ZFP64: variants seen among roughly 807,000 people sequenced by gnomAD.
ZFP64 encodes the protein ZFP64 zinc finger protein.
A neutral mutation model predicts 51.6 loss-of-function variants in ZFP64; 14 were observed. The ratio of observed to expected loss-of-function variants is 0.27; its 90% CI spans 0.18 to 0.42. The LOEUF is 0.42. Among genes scored for constraint, ZFP64 ranks in the 10% least tolerant of loss-of-function variants. ZFP64 has a pLI of 1.00. For missense variants in ZFP64, 754 were observed against 906.8 expected, an observed-to-expected ratio of 0.83 and a Z score of 2.16; for synonymous variants, 375 against 361.4, an observed-to-expected ratio of 1.04 and a Z score of -0.43.
chr20:52,160,142 G>A lies in ZFP64; in HGVS notation c.744C>T (p.Val248=). The part of the protein sequence containing the change: ...YASRNSSQLT[V]HLRSHTGDAP... Reference sequence around the variant, plus strand: ...ACTCACCCGTGTGGGATCGCAGGTGGACAGTGAGCTGGCTGGAGTTGCGGC... The same window carrying A: ...ACTCACCCGTGTGGGATCGCAGGTGAACAGTGAGCTGGCTGGAGTTGCGGC... The change falls in exon 5 of 6, where the codon GTC becomes GTT. Residue 248 remains valine, a synonymous_variant. Coordinates refer to ENST00000216923, the MANE Select transcript of ZFP64 (RefSeq NM_018197.3). This position sits in a 1 kb window ranked among gnomAD's most constrained non-coding sequence, Gnocchi z 4.2. The A allele has an allele frequency of 6.2e-7, 1 of 1,614,112 alleles. No individual in the cohort carries two copies. Among genetic ancestry groups the A allele is most frequent in the African/African-American group, 1.3e-5 (1 of 75,000 alleles).
intron 7 of ZFP64, among the ~76,000 whole-genome samples, chr20:52,092,752 A>G (rs1245759268): frequency 6.6e-6 from 1 of 152,180 alleles, no homozygotes; most frequent in Non-Finnish European, 1.5e-5. Context: ...GCTACTCAGG[A>G]GGCTGAGGCA....
intron 5 of ZFP64, among the ~76,000 whole-genome samples, chr20:52,159,584 C>G (rs1050040786): frequency 6.6e-5 from 10 of 152,230 alleles, no homozygotes; most frequent in Non-Finnish European, 1.3e-4. Flanking sequence ...GGCACGGTGG[C>G]TCACGCCTGT....
chr20:52,148,630 G>T (rs1004694314), downstream of ZFP64, among the ~76,000 whole-genome samples: 1 of 151,970 alleles, frequency 6.6e-6, no homozygotes, highest in Non-Finnish European at 1.5e-5. Context: ...GAGCCTGGGA[G>T]GCAGAGCAGG....
intron 7 of ZFP64, among the ~76,000 whole-genome samples, chr20:52,094,966 G>A (rs1475038006): frequency 2.0e-5 from 3 of 152,160 alleles, no homozygotes; most frequent in Non-Finnish European, 4.4e-5. Flanking sequence ...TAAGACAGAT[G>A]GTTTGAGTTG....
intron 5 of ZFP64, chr20:52,104,938 A>G: frequency 1.4e-6 from 1 of 691,532 alleles, no homozygotes; most frequent in South Asian, 1.8e-5. Flanking sequence ...GGGGAAGGGG[A>G]CGGTGGACTC....
At chr20:52,125,635 G>A (rs1448455332) in intron 5 of ZFP64, among the ~76,000 whole-genome samples, 1 of 152,218 alleles carries the variant, frequency 6.6e-6, no homozygotes, top group Admixed American at 6.5e-5. Flanking sequence ...TAGGGCATGG[G>A]AGGAGTAGCT....
chr20:52,165,302 G>GT (rs1487657541), intron 3 of ZFP64: 2 of 456,058 alleles, frequency 4.4e-6, no homozygotes, highest in Non-Finnish European at 8.8e-6. Context: ...GAATATTCTG[G>GT]TTTTTAGGAA....
chr20:52,162,860 A>C (rs749100805), intron 4 of ZFP64, among the ~76,000 whole-genome samples: 3 of 152,132 alleles, frequency 2.0e-5, no homozygotes, highest in Admixed American at 1.3e-4. Context: ...CCCCAACTCC[A>C]GGGGTAATTA....
rs1321329206 is a variant in ZFP64, at chr20:52,101,015, GAC to G, written c.764-2430_764-2429del. On this transcript the variant is annotated intron_variant, in intron 5 of 8. Coordinates refer to the ZFP64 transcript ENST00000361387. The stretch of plus-strand genomic sequence containing the variant: ...ACTGGGGGCCATTCTACCACCAAAG[GAC>G]ACTCAGCAATGCCTGGGAACATTTT... Among the ~76,000 whole-genome samples the G allele has an allele frequency of 2.0e-5, 3 of 152,198 alleles. No homozygotes were observed. In the East Asian group the frequency reaches 5.8e-4, roughly 29 times the overall value.
At chr20:52,175,867 CCCG>C in intron 2 of ZFP64, 1 of 735,860 alleles carries the variant, frequency 1.4e-6, no homozygotes, top group Non-Finnish European at 1.7e-6. Context: ...CGCTGCCGCC[CCCG>C]CCCCCAAAAT....
intron 5 of ZFP64, among the ~76,000 whole-genome samples, chr20:52,135,768 C>T (rs1979939395): frequency 6.6e-6 from 1 of 152,032 alleles, no homozygotes; most frequent in Non-Finnish European, 1.5e-5. Context: ...GAATTACAGG[C>T]ATGAGCCACT....
intron 7 of ZFP64, among the ~76,000 whole-genome samples, chr20:52,090,962 A>G (rs1322303363): frequency 7.0e-6 from 1 of 143,594 alleles, no homozygotes; most frequent in Non-Finnish European, 1.5e-5. Flanking sequence ...AGGATTTGCT[A>G]CGTGTGGTGG....
intron 8 of ZFP64, among the ~76,000 whole-genome samples, chr20:52,086,127 T>C (rs2078861384): frequency 6.6e-6 from 1 of 151,472 alleles, no homozygotes; most frequent in Non-Finnish European, 1.5e-5. Flanking sequence ...CTTTTCACCT[T>C]TAAGTAAAAA....
chr20:52,153,464 A>G lies in ZFP64; in HGVS notation c.764-36T>C. On this transcript the variant is annotated intron_variant, in intron 5 of 5. Coordinates refer to ENST00000216923, the MANE Select transcript of ZFP64 (RefSeq NM_018197.3). The surrounding 1 kb of genome is among the most constrained non-coding windows in gnomAD (Gnocchi z 5.1). ...AAGGTGAGTTTCGATAAGAACAGGCAGGCAACAACCACAGCGGATCCCCCC... is the reference window on the plus strand; with the variant it reads ...AAGGTGAGTTTCGATAAGAACAGGCGGGCAACAACCACAGCGGATCCCCCC... The G allele has an allele frequency of 6.3e-7, 1 of 1,593,834 alleles. No individual in the cohort carries two copies. Among genetic ancestry groups the G allele is most frequent in the Non-Finnish European group, 8.6e-7 (1 of 1,168,884 alleles).
intron 2 of ZFP64, among the ~76,000 whole-genome samples, chr20:52,171,380 T>TGTGTGTGTATGCGTATGC (rs1982705769): frequency 6.6e-6 from 1 of 151,892 alleles, no homozygotes; most frequent in South Asian, 2.1e-4. Flanking sequence ...TATGTGTATG[T>TGTGTGTGTATGCGTATGC]GTCTGTGTAT....
chr20:52,165,603 A>C, intron 3 of ZFP64: 4 of 644,978 alleles, frequency 6.2e-6, no homozygotes, highest in Non-Finnish European at 8.5e-6. Context: ...ATAGGAAAAA[A>C]ATTTATAGCA....
intron 2 of ZFP64, among the ~76,000 whole-genome samples, chr20:52,170,003 A>G (rs1568695129): frequency 6.6e-6 from 1 of 151,920 alleles, no homozygotes; most frequent in Non-Finnish European, 1.5e-5. Context: ...CGGTGAGTCC[A>G]GATCATGCCA....
At chr20:52,142,839 C>CAAAA (rs386393987) in intron 5 of ZFP64, among the ~76,000 whole-genome samples, 9,285 of 54,864 alleles carry the variant, frequency 0.17, 1,145 homozygotes, top group Non-Finnish European at 0.23. Context: ...GACTCCATCT[C>CAAAA]AAAAAAAAAA....
intron 4 of ZFP64, among the ~76,000 whole-genome samples, chr20:52,162,790 G>T (rs1234474031): frequency 6.6e-6 from 1 of 152,176 alleles, no homozygotes; most frequent in Non-Finnish European, 1.5e-5. Flanking sequence ...TGTTGGCAGA[G>T]CTCAGTGGTT....
Sources: gnomAD v4.1 joint callset for allele counts (sites outside exome capture counted in the v4.1 genomes callset) on GRCh38, gnomAD v4.1.1 for gene constraint, Gnocchi (gnomAD v3.1) non-coding constraint, MANE v1.5 for transcripts, NCBI Gene and HGNC (gene_info 2026-07-23, HGNC 2026-07-21) for gene names.